CPS1: variants seen among roughly 807,000 people sequenced by gnomAD.
CPS1 encodes the protein carbamoyl-phosphate synthase [ammonia], mitochondrial.
In CPS1, 109 loss-of-function variants were observed where a neutral mutation model predicts 174.6. The observed-to-expected ratio is 0.62, with a 90% confidence interval of 0.53 to 0.73. CPS1 has a LOEUF of 0.73. Among genes scored for constraint, CPS1 ranks in the 30% least tolerant of loss-of-function variants. CPS1 has a pLI of 0.00. For missense variants in CPS1, 1,689 were observed against 1,821.9 expected, an observed-to-expected ratio of 0.93 and a Z score of 1.33; for synonymous variants, 637 against 632.0, an observed-to-expected ratio of 1.01 and a Z score of -0.12.
chr2:210,612,185 AG>A lies in CPS1; in HGVS notation c.2461del (p.Glu821LysfsTer9). The A allele has an allele frequency of 6.2e-7, 1 of 1,612,284 alleles. No individual in the cohort carries two copies. Among genetic ancestry groups the A allele is most frequent in the Non-Finnish European group, 8.5e-7 (1 of 1,178,890 alleles). ...KALRMCHPSI[E>X]GFTPRLPMNK... is the part of the protein sequence containing the mutation. ...CTTTACGGATGTGCCACCCATCTAT[AG>A]AAGGTTTCACTCCCCGTCTCCCAAT... On this transcript the variant is annotated frameshift_variant, in exon 20 of 38. Transcript: ENST00000233072. LOFTEE classifies it high-confidence loss of function.
intron 1 of CPS1, among the ~76,000 whole-genome samples, chr2:210,567,153 G>A (rs35087298): frequency 0.069 from 10,479 of 152,002 alleles, 539 homozygotes; most frequent in East Asian, 0.25. Flanking sequence ...AAGTGTTAAC[G>A]CTTTACTTTA....
chr2:210,579,953 A>T (rs1463992174), intron 5 of CPS1, among the ~76,000 whole-genome samples, 183 bp downstream of exon 5: 1 of 152,092 alleles, frequency 6.6e-6, no homozygotes, highest in Non-Finnish European at 1.5e-5. Flanking sequence ...TTCAAGATTG[A>T]ATACTTGATT....
At chr2:210,611,253 A>G (rs923515913) in intron 19 of CPS1, among the ~76,000 whole-genome samples, 10 of 152,106 alleles carry the variant, frequency 6.6e-5, no homozygotes, top group African/African-American at 2.2e-4. Context: ...ATTGACATGA[A>G]GATTTCCTAA....
At chr2:210,592,284 G>A (rs1698333150) in intron 10 of CPS1, among the ~76,000 whole-genome samples, 2 of 151,778 alleles carry the variant, frequency 1.3e-5, no homozygotes, top group African/African-American at 2.4e-5. Flanking sequence ...GATTTTTTTG[G>A]GGTTGAGTGT....
chr2:210,667,935 A>C (rs1314635745), intron 33 of CPS1, among the ~76,000 whole-genome samples: 2 of 152,184 alleles, frequency 1.3e-5, no homozygotes, highest in Non-Finnish European at 2.9e-5. Context: ...TTATTCATTC[A>C]TTATGCTTAA....
At chr2:210,519,108 T>C (rs1377582337) in intron 1 of CPS1, among the ~76,000 whole-genome samples, 2 of 152,060 alleles carry the variant, frequency 1.3e-5, no homozygotes, top group African/African-American at 2.4e-5. Context: ...GATGTGTTTA[T>C]TAACTTGTGC....
intron 9 of CPS1, among the ~76,000 whole-genome samples, chr2:210,591,225 T>C (rs1698285878): frequency 6.6e-6 from 1 of 151,958 alleles, no homozygotes; most frequent in Non-Finnish European, 1.5e-5. Context: ...TAAATTGAGG[T>C]TATAATACTC....
rs980710176 is a variant in CPS1 at position 210,592,491 on chromosome 2, C to G, written c.1087-388C>G. ...CATCTGGGTGGGTCTCTGGGACTTA[C>G]TTGGCACTGGTGTAGTGTTTGAGAA... On this transcript the variant is annotated intron_variant, in intron 10 of 37. Coordinates refer to ENST00000233072, the MANE Select transcript of CPS1 (RefSeq NM_001875.5). Among the ~76,000 whole-genome samples, 13 of 151,942 alleles carry G rather than the reference C, an allele frequency of 8.6e-5. 1 individual carries two copies. Among genetic ancestry groups the G allele is most frequent in the Non-Finnish European group, 4.4e-5 (3 of 67,962 alleles).
rs768210605 is a variant in CPS1 at position 210,556,730 on chromosome 2, C to A, written c.-4C>A. ...TCATTTAATTTTAGCCACAAATCAT[C>A]AAAATGACGAGGATTTTGACAGCTT... On this transcript the variant is annotated 5_prime_UTR_variant, in exon 1 of 38. Transcript: ENST00000233072. 8.6e-5 allele frequency: 138 copies of A among 1,612,166 alleles called. No homozygotes were observed. Among genetic ancestry groups the A allele is most frequent in the Non-Finnish European group, 1.1e-4 (133 of 1,178,996 alleles).
chr2:210,594,667 T>G, intron 12 of CPS1, 61 bp downstream of exon 12: 1 of 1,189,242 alleles, frequency 8.4e-7, no homozygotes, highest in Non-Finnish European at 1.3e-6. Context: ...ACATGAAGAT[T>G]TTTAAAAACT....
At chr2:210,489,359 G>T (rs1009131029) in intron 1 of CPS1, among the ~76,000 whole-genome samples, 1 of 152,160 alleles carries the variant, frequency 6.6e-6, no homozygotes. Context: ...GCATTTCAGA[G>T]GACAGAGCAA....
In CPS1 at chr2:210,556,758, A is replaced by T. The variant is rs1553507167; in HGVS notation, c.25A>T (p.Lys9Ter). MTRILTAF[K>*]VVRTLKTGFG... ...AATGACGAGGATTTTGACAGCTTTC[A>T]AAGTGGTGAGGACACTGAAGACTGG... is the stretch of plus-strand genomic sequence containing the variant. The change falls in exon 1 of 38, where the codon AAA becomes TAA. Residue 9 changes from lysine to a stop codon, truncating the protein, a stop_gained. Coordinates refer to ENST00000233072, the MANE Select transcript of CPS1 (RefSeq NM_001875.5). LOFTEE classifies it high-confidence loss of function. 1 of 1,612,930 alleles carries T rather than the reference A, an allele frequency of 6.2e-7. No homozygotes were observed. The highest frequency in any genetic ancestry group is 1.7e-4 in the Middle Eastern group (1 of 6,056).
chr2:210,653,575 A>G (rs1218872031), intron 28 of CPS1, among the ~76,000 whole-genome samples: 1 of 152,236 alleles, frequency 6.6e-6, no homozygotes, highest in Non-Finnish European at 1.5e-5. Flanking sequence ...TTCTCCCACA[A>G]TTCTCAAAGA....
rs758089312 is a variant in CPS1, at chr2:210,599,470, C to T, written c.1458C>T (p.Pro486=). The T allele has an allele frequency of 1.2e-6, 2 of 1,612,478 alleles. No individual in the cohort carries two copies. Among genetic ancestry groups the T allele is most frequent in the East Asian group, 2.2e-5 (1 of 44,808 alleles). The change falls in exon 14 of 38, where the codon CCC becomes CCT. Residue 486 remains proline, a synonymous_variant. Transcript: ENST00000233072. ...AAGCGGATACTGTCTACTTTCTTCC[C>T]ATCACCCCTCAGTTTGTCACAGAGG... ...LKQADTVYFL[P]ITPQFVTEVI...
rs568586944 is a variant in CPS1 at position 210,589,938 on chromosome 2, C to G, written c.712-168C>G. 5.3e-5 allele frequency among the ~76,000 whole-genome samples: 8 copies of G among 152,094 alleles called. No homozygotes were observed. The East Asian group carries it at 1.2e-3, about 22-fold the overall frequency. On this transcript the variant is annotated intron_variant, in intron 7 of 37. Coordinates refer to ENST00000233072, the MANE Select transcript of CPS1 (RefSeq NM_001875.5). ...TATGTGCTAGGATCACCGGCATGAG[C>G]CACCAAGCCCGGCCCCAAAGAAATT...
chr2:210,665,238 A>G (rs193074727), intron 33 of CPS1, among the ~76,000 whole-genome samples: 1 of 152,362 alleles, frequency 6.6e-6, no homozygotes, highest in East Asian at 1.9e-4. Context: ...GCTGAAGGTT[A>G]TAGTCATAAG....
At chr2:210,634,034 G>A (rs1217930611) in intron 21 of CPS1, among the ~76,000 whole-genome samples, 2 of 152,192 alleles carry the variant, frequency 1.3e-5, no homozygotes, top group Non-Finnish European at 2.9e-5. Context: ...CCGAAAGGCT[G>A]AGTGCATACT....
chr2:210,666,786 C>T (rs1284456502), intron 33 of CPS1, among the ~76,000 whole-genome samples: 1 of 152,140 alleles, frequency 6.6e-6, no homozygotes, highest in East Asian at 1.9e-4. Context: ...GTTCTTTTGA[C>T]TTAGGATTGA....
At chr2:210,531,108 G>A (rs1026569008) in intron 1 of CPS1, among the ~76,000 whole-genome samples, 27 of 152,024 alleles carry the variant, frequency 1.8e-4, no homozygotes, top group Admixed American at 3.3e-4. Context: ...TCTCCAGGAC[G>A]TGACTTAACA....
Sources: gnomAD v4.1 joint callset for allele counts (sites outside exome capture counted in the v4.1 genomes callset) on GRCh38, gnomAD v4.1.1 for gene constraint, MANE v1.5 for transcripts, NCBI Gene and HGNC (gene_info 2026-07-23, HGNC 2026-07-21) for gene names.